The following BLOC1S5 variants were observed in gnomAD, a reference collection of about 807,000 sequenced individuals.
The protein encoded by BLOC1S5 is biogenesis of lysosome-related organelles complex 1 subunit 5.
A neutral mutation model predicts 24.3 loss-of-function variants in BLOC1S5; 27 were observed. The observed-to-expected ratio is 1.11, with a 90% CI of 0.82 to 1.53. BLOC1S5 has a LOEUF of 1.53. Among genes scored for constraint, BLOC1S5 ranks in the 40% most tolerant of loss-of-function variants. The pLI, the probability that BLOC1S5 is intolerant of heterozygous loss-of-function variation, is 0.00. For synonymous variants in BLOC1S5, 84 were observed against 74.5 expected (o/e 1.13, Z -0.66); for missense variants, 239 against 229.4 (o/e 1.04, Z -0.27).
intron 2 of BLOC1S5, among the ~76,000 whole-genome samples, chr6:8,060,053 A>C (rs2113609340): frequency 6.6e-6 from 1 of 152,288 alleles, no homozygotes. Context: ...TGACCTGTTA[A>C]ATTTGTGGTA....
intron 2 of BLOC1S5, among the ~76,000 whole-genome samples, 193 bp from the exon 3 acceptor site, chr6:8,041,461 C>T (rs1645694041): frequency 6.6e-6 from 1 of 151,004 alleles, no homozygotes; most frequent in Non-Finnish European, 1.5e-5. Flanking sequence ...TACAGGCTCC[C>T]GCCATCACAT....
intron 2 of BLOC1S5, among the ~76,000 whole-genome samples, chr6:8,046,457 G>A (rs1763903325): frequency 2.6e-5 from 4 of 151,950 alleles, no homozygotes; most frequent in Admixed American, 2.0e-4. Flanking sequence ...AAAAAAGAGT[G>A]GTAAACTTGA....
At chr6:8,026,512 A>G in intron 3 of BLOC1S5, 87 bp from the exon 4 acceptor site, 1 of 1,085,148 alleles carries the variant, frequency 9.2e-7, no homozygotes, top group Non-Finnish European at 1.4e-6. Flanking sequence ...TGGAGAGTAC[A>G]TGAATTGTTT....
chr6:8,052,525 T>C (rs914291765), intron 2 of BLOC1S5, among the ~76,000 whole-genome samples: 1 of 152,032 alleles, frequency 6.6e-6, no homozygotes, highest in Admixed American at 6.6e-5. Flanking sequence ...ATGGGTGACT[T>C]TGAGCAGTTC....
intron 2 of BLOC1S5, among the ~76,000 whole-genome samples, chr6:8,043,368 G>A (rs147579080): frequency 2.0e-5 from 3 of 152,204 alleles, no homozygotes; most frequent in African/African-American, 4.8e-5. Context: ...CAGTGGTATC[G>A]TGTTGATAGC....
chr6:8,021,264 T>C (rs942792930), intron 4 of BLOC1S5, among the ~76,000 whole-genome samples: 4 of 151,910 alleles, frequency 2.6e-5, no homozygotes, highest in Admixed American at 1.3e-4. Context: ...GAATGAGGAG[T>C]TACCGTTTAC....
At chr6:8,050,158 G>T (rs572773490) in intron 2 of BLOC1S5, among the ~76,000 whole-genome samples, 309 of 152,296 alleles carry the variant, frequency 2.0e-3, no homozygotes, top group African/African-American at 6.8e-3. Context: ...AGCTCACCTT[G>T]TGTCCCTTTG....
At chr6:8,031,063 C>T (rs944816989) in intron 3 of BLOC1S5, among the ~76,000 whole-genome samples, 6 of 152,048 alleles carry the variant, frequency 3.9e-5, no homozygotes, top group Admixed American at 1.3e-4. Flanking sequence ...CCCTGAGAAC[C>T]GGAACAAGAC....
intron 3 of BLOC1S5, among the ~76,000 whole-genome samples, chr6:8,031,479 C>CACAG: frequency 6.6e-6 from 1 of 152,106 alleles, no homozygotes; most frequent in Non-Finnish European, 1.5e-5. Context: ...ACAGACGACA[C>CACAG]ATATGGAAAT....
At chr6:8,038,511 G>A (rs186829442) in intron 3 of BLOC1S5, among the ~76,000 whole-genome samples, 1 of 151,976 alleles carries the variant, frequency 6.6e-6, no homozygotes, top group Non-Finnish European at 1.5e-5. Flanking sequence ...TATTGACGGA[G>A]TCTCACTCTG....
chr6:8,019,806 C>A (rs1366519005), intron 4 of BLOC1S5, among the ~76,000 whole-genome samples: 1 of 152,212 alleles, frequency 6.6e-6, no homozygotes, highest in East Asian at 1.9e-4. Flanking sequence ...GATTCCGAGC[C>A]TACTTGACCT....
At chr6:8,020,384 T>C (rs1762878084) in intron 4 of BLOC1S5, among the ~76,000 whole-genome samples, 1 of 151,556 alleles carries the variant, frequency 6.6e-6, no homozygotes, top group African/African-American at 2.4e-5. Flanking sequence ...CAAATACCAC[T>C]TTCTAAGGCA....
intron 3 of BLOC1S5, among the ~76,000 whole-genome samples, chr6:8,032,050 T>C (rs915702566): frequency 3.3e-5 from 5 of 152,152 alleles, no homozygotes; most frequent in Non-Finnish European, 5.9e-5. Flanking sequence ...CTTCTAGACA[T>C]TGGCTCGAGC....
chr6:8,051,506 G>C (rs1764104197), intron 2 of BLOC1S5, among the ~76,000 whole-genome samples: 1 of 152,224 alleles, frequency 6.6e-6, no homozygotes. Flanking sequence ...GCAAGATCTA[G>C]CTACGATCAT....
chr6:8,042,280 T>C (rs1218486233), intron 2 of BLOC1S5, among the ~76,000 whole-genome samples: 1 of 152,236 alleles, frequency 6.6e-6, no homozygotes, highest in Non-Finnish European at 1.5e-5. Context: ...TATTATGTGC[T>C]ATATTTTTTA....
intron 4 of BLOC1S5, among the ~76,000 whole-genome samples, chr6:8,021,596 T>C (rs1054970723): frequency 2.0e-5 from 3 of 151,538 alleles, no homozygotes; most frequent in Non-Finnish European, 4.4e-5. Flanking sequence ...CAAAACTCCA[T>C]CTCAAAAAAA....
chr6:8,026,028 C>T (rs1259126314), intron 4 of BLOC1S5, among the ~76,000 whole-genome samples: 1 of 152,160 alleles, frequency 6.6e-6, no homozygotes, highest in Non-Finnish European at 1.5e-5. Context: ...ACAGAATATA[C>T]TCAATACTTC....
chr6:8,035,547 T>C (rs899123215), intron 3 of BLOC1S5, among the ~76,000 whole-genome samples: 1 of 152,110 alleles, frequency 6.6e-6, no homozygotes, highest in Non-Finnish European at 1.5e-5. Context: ...CAGAAAAAGA[T>C]ATTCCATGCA....
chr6:8,023,821 C>T (rs1763011081), intron 4 of BLOC1S5, among the ~76,000 whole-genome samples: 1 of 140,604 alleles, frequency 7.1e-6, no homozygotes. Context: ...TGTGTGCGTG[C>T]ACATGTGTAT....
Sources: allele counts gnomAD v4.1 joint callset (sites outside exome capture counted in the v4.1 genomes callset), GRCh38; gene constraint gnomAD v4.1.1; transcripts MANE v1.5; gene names NCBI Gene and HGNC (gene_info 2026-07-23, HGNC 2026-07-21).